Variants in AGBL4 observed in about 807,000 individuals in gnomAD.
AGBL4 encodes AGBL carboxypeptidase 4.
AGBL4 carries 58 observed loss-of-function variants against 66.4 expected under a neutral mutation model. The ratio of observed to expected loss-of-function variants is 0.87; its 90% CI spans 0.71 to 1.09. The LOEUF (loss-of-function observed/expected upper bound fraction) is 1.09. AGBL4 is among the 50% of genes least tolerant of loss of function. The pLI is 0.00. For missense variants in AGBL4, 579 were observed against 631.0 expected, an observed-to-expected ratio of 0.92 and a Z score of 0.88; for synonymous variants, 234 against 222.9, an observed-to-expected ratio of 1.05 and a Z score of -0.44.
intron 7 of AGBL4, among the ~76,000 whole-genome samples, chr1:48,660,900 G>C (rs958938357): frequency 3.3e-5 from 5 of 152,154 alleles, no homozygotes. Context: ...AGTGGGACAA[G>C]GGAACATGTA....
At chr1:49,642,441 G>C (rs1645801078) in intron 3 of AGBL4, among the ~76,000 whole-genome samples, 1 of 151,938 alleles carries the variant, frequency 6.6e-6, no homozygotes, top group African/African-American at 2.4e-5. Flanking sequence ...TTGAGAAGAA[G>C]CTGGAAGCTC....
intron 4 of AGBL4, among the ~76,000 whole-genome samples, chr1:49,116,018 G>T (rs1395938421): frequency 6.6e-6 from 1 of 152,090 alleles, no homozygotes; most frequent in Admixed American, 6.6e-5. Context: ...GTAATTAAGA[G>T]AAATTGGATC....
chr1:49,130,333 C>T (rs998688265), intron 4 of AGBL4, among the ~76,000 whole-genome samples: 1 of 152,174 alleles, frequency 6.6e-6, no homozygotes, highest in Non-Finnish European at 1.5e-5. Flanking sequence ...TCCCATTTGT[C>T]AATTTTGGCT....
At chr1:49,285,113 T>G (rs1026288264) in intron 3 of AGBL4, among the ~76,000 whole-genome samples, 12 of 152,110 alleles carry the variant, frequency 7.9e-5, no homozygotes, top group African/African-American at 2.4e-4. Context: ...TGACCACATA[T>G]TTGGAAGTAA....
chr1:49,225,326 AATG>A (rs1197310499), intron 4 of AGBL4, among the ~76,000 whole-genome samples: 4 of 152,220 alleles, frequency 2.6e-5, no homozygotes, highest in Admixed American at 2.6e-4. Flanking sequence ...AAGAAATAGA[AATG>A]ATCTTCTCTT....
intron 2 of AGBL4, among the ~76,000 whole-genome samples, chr1:49,703,874 T>C (rs1316978010): frequency 6.6e-6 from 1 of 151,990 alleles, no homozygotes; most frequent in Non-Finnish European, 1.5e-5. Flanking sequence ...TAAATAAATT[T>C]AGCAAAGTCA....
chr1:49,839,324 T>A (rs80295343), intron 2 of AGBL4, among the ~76,000 whole-genome samples: 1 of 152,306 alleles, frequency 6.6e-6, no homozygotes, highest in East Asian at 1.9e-4. Context: ...GGTCTACAGT[T>A]ACAGAGTTAC....
At chr1:48,603,347 G>A (rs1645104177) in intron 9 of AGBL4, among the ~76,000 whole-genome samples, 1 of 152,198 alleles carries the variant, frequency 6.6e-6, no homozygotes, top group Non-Finnish European at 1.5e-5. Context: ...GTGCATGCCT[G>A]TAATCCCAGC....
intron 6 of AGBL4, among the ~76,000 whole-genome samples, chr1:48,740,676 T>A (rs1649779730): frequency 6.6e-6 from 1 of 152,130 alleles, no homozygotes; most frequent in African/African-American, 2.4e-5. Flanking sequence ...AGGACAAAAA[T>A]CATTTCCTAC....
intron 3 of AGBL4, among the ~76,000 whole-genome samples, chr1:49,340,101 T>C (rs939023807): frequency 4.6e-5 from 7 of 152,008 alleles, no homozygotes; most frequent in Middle Eastern, 3.4e-3. Flanking sequence ...ATCCATGTTC[T>C]TTTTTTTCCC....
chr1:48,614,107 A>T (rs1197599947), intron 9 of AGBL4, among the ~76,000 whole-genome samples: 1 of 152,160 alleles, frequency 6.6e-6, no homozygotes, highest in African/African-American at 2.4e-5. Flanking sequence ...ACTGGTAGAA[A>T]CCCACTTTGT....
chr1:48,715,214 G>A (rs1647030109), intron 6 of AGBL4, among the ~76,000 whole-genome samples: 1 of 151,948 alleles, frequency 6.6e-6, no homozygotes, highest in Non-Finnish European at 1.5e-5. Context: ...TGCCTGTAAT[G>A]CCACCCCATA....
chr1:48,656,299 T>G (rs1477783739), intron 7 of AGBL4, among the ~76,000 whole-genome samples: 1 of 152,264 alleles, frequency 6.6e-6, no homozygotes. Flanking sequence ...AGTGTTTGGT[T>G]TAGGGCTGGG....
At chr1:49,454,963 T>C (rs1005848091) in intron 3 of AGBL4, among the ~76,000 whole-genome samples, 7 of 151,676 alleles carry the variant, frequency 4.6e-5, no homozygotes, top group African/African-American at 1.7e-4. Context: ...GGCCGGACTC[T>C]GAACTAAGAT....
intron 3 of AGBL4, among the ~76,000 whole-genome samples, chr1:49,387,284 A>G (rs867679869): frequency 4.6e-5 from 7 of 152,102 alleles, no homozygotes; most frequent in South Asian, 2.1e-4. Flanking sequence ...AAAATGAGGT[A>G]TACATTACAC....
intron 3 of AGBL4, among the ~76,000 whole-genome samples, chr1:49,568,522 C>CACAA (rs1353248760): frequency 6.6e-6 from 1 of 150,526 alleles, no homozygotes; most frequent in Non-Finnish European, 1.5e-5. Context: ...CACACACACA[C>CACAA]AAATGCCATG....
intron 3 of AGBL4, among the ~76,000 whole-genome samples, chr1:49,264,087 C>T (rs1653497050): frequency 6.6e-6 from 1 of 151,750 alleles, no homozygotes; most frequent in Non-Finnish European, 1.5e-5. Flanking sequence ...AATAAAAATA[C>T]AAAATTATAC....
intron 4 of AGBL4, among the ~76,000 whole-genome samples, chr1:49,061,664 T>C (rs2147912291): frequency 6.6e-6 from 1 of 152,178 alleles, no homozygotes; most frequent in African/African-American, 2.4e-5. Context: ...GTTTTGGAAC[T>C]GAGATTGACA....
intron 2 of AGBL4, among the ~76,000 whole-genome samples, chr1:49,701,405 T>C (rs1443060766): frequency 6.6e-6 from 1 of 152,102 alleles, no homozygotes; most frequent in Non-Finnish European, 1.5e-5. Flanking sequence ...GAAGGAAACT[T>C]TTGGAGGTAA....
Sources: gnomAD v4.1 joint callset for allele counts (sites outside exome capture counted in the v4.1 genomes callset) on GRCh38, gnomAD v4.1.1 for gene constraint, MANE v1.5 for transcripts, NCBI Gene and HGNC (gene_info 2026-07-23, HGNC 2026-07-21) for gene names.